MIA2: variants seen among roughly 807,000 people sequenced by gnomAD.
The protein encoded by MIA2 is melanoma inhibitory activity protein 2.
In MIA2, 127 loss-of-function variants were observed where a neutral mutation model predicts 167.8. The ratio of observed to expected loss-of-function variants is 0.76; its 90% CI spans 0.66 to 0.88. The LOEUF (loss-of-function observed/expected upper bound fraction) is 0.88, where lower values mean the gene tolerates loss of function less well. MIA2 is among the 40% of genes least tolerant of loss of function. The pLI is 0.00. For synonymous variants in MIA2, 552 were observed against 541.9 expected (o/e 1.02, Z -0.26); for missense variants, 1,690 against 1,624.7 (o/e 1.04, Z -0.69).
chr14:39,330,184 G>C (rs1282919840), intron 25 of MIA2, among the ~76,000 whole-genome samples: 1 of 152,054 alleles, frequency 6.6e-6, no homozygotes, highest in Non-Finnish European at 1.5e-5. Flanking sequence ...ACTTCTTCCT[G>C]GTTTAGTCTT....
intron 23 of MIA2, among the ~76,000 whole-genome samples, chr14:39,359,578 A>G (rs2074626120): frequency 6.6e-6 from 1 of 152,092 alleles, no homozygotes. Flanking sequence ...CTGTCCGACA[A>G]TCCCCAGTGA....
chr14:39,301,982 A>G (rs1438934124), intron 14 of MIA2, 147 bp from the exon 15 acceptor site: 4 of 922,654 alleles, frequency 4.3e-6, no homozygotes, highest in African/African-American at 3.4e-5. Flanking sequence ...CAAGACTACA[A>G]TATCTTAATA....
At chr14:39,308,010 AT>A (rs779365868) in intron 17 of MIA2, among the ~76,000 whole-genome samples, 7 of 152,144 alleles carry the variant, frequency 4.6e-5, no homozygotes, top group Non-Finnish European at 1.0e-4. Context: ...AGGTGGAACA[AT>A]TTCTAATGTT....
intron 3 of MIA2, 55 bp downstream of exon 3, chr14:39,240,702 A>T: frequency 7.6e-7 from 1 of 1,322,794 alleles, no homozygotes; most frequent in Non-Finnish European, 1.1e-6. Flanking sequence ...TGGTTAAAAC[A>T]GTTTTCCCAG....
intron 25 of MIA2, among the ~76,000 whole-genome samples, chr14:39,342,876 T>C (rs1056171427): frequency 5.3e-5 from 8 of 152,226 alleles, no homozygotes; most frequent in African/African-American, 1.9e-4. Flanking sequence ...TTCTGTTTTA[T>C]CAGCTTTCCT....
At chr14:39,269,910 T>G (rs748270436) in intron 6 of MIA2, among the ~76,000 whole-genome samples, 3 of 152,354 alleles carry the variant, frequency 2.0e-5, no homozygotes, top group Middle Eastern at 3.4e-3. Flanking sequence ...TTATTAATAC[T>G]TTTTGGCTAT....
downstream of MIA2, chr14:39,350,930 C>G (rs1268599233): frequency 6.6e-6 from 1 of 150,952 alleles, no homozygotes; most frequent in Non-Finnish European, 1.5e-5. Flanking sequence ...TCTTCTTATT[C>G]ACTGAGTTTC....
At chr14:39,339,985 A>G (rs1024711292) in intron 25 of MIA2, among the ~76,000 whole-genome samples, 2 of 152,116 alleles carry the variant, frequency 1.3e-5, no homozygotes, top group South Asian at 2.1e-4. Flanking sequence ...GGCTGGGACT[A>G]TAGGCATGCA....
At chr14:39,334,911 C>A (rs2069969525) in intron 25 of MIA2, among the ~76,000 whole-genome samples, 1 of 152,034 alleles carries the variant, frequency 6.6e-6, no homozygotes, top group African/African-American at 2.4e-5. Flanking sequence ...TTTTGTGTAA[C>A]CTTGAGCAAT....
intron 9 of MIA2, among the ~76,000 whole-genome samples, chr14:39,289,905 C>CTA (rs2060496185): frequency 6.6e-6 from 1 of 152,196 alleles, no homozygotes; most frequent in Non-Finnish European, 1.5e-5. Flanking sequence ...TGGCTCATAA[C>CTA]TATGTCACCC....
chr14:39,363,144 A>G (rs979427787), intron 23 of MIA2, among the ~76,000 whole-genome samples: 15 of 152,234 alleles, frequency 9.9e-5, no homozygotes, highest in Admixed American at 7.9e-4. Flanking sequence ...AGAATATTCT[A>G]TGCCAGTGAG....
chr14:39,383,527 A>G (rs889229886), intron 23 of MIA2, among the ~76,000 whole-genome samples: 5 of 152,204 alleles, frequency 3.3e-5, no homozygotes, highest in African/African-American at 9.6e-5. Context: ...AGTGACCTCT[A>G]CGTGTTCAGG....
chr14:39,295,319 GTGA>G (rs2061277934), intron 13 of MIA2, among the ~76,000 whole-genome samples: 1 of 152,172 alleles, frequency 6.6e-6, no homozygotes, highest in East Asian at 1.9e-4. Flanking sequence ...GAGAATATGA[GTGA>G]GGATTATTGA....
At chr14:39,296,637 A>AT (rs531091120) in intron 13 of MIA2, among the ~76,000 whole-genome samples, 4,392 of 121,526 alleles carry the variant, frequency 0.036, 235 homozygotes, top group African/African-American at 0.12. Flanking sequence ...TATTTTTATT[A>AT]TTTTTTTTTT....
At chr14:39,345,797 T>TTTAA in intron 25 of MIA2, 107 bp from the exon 26 acceptor site, 1 of 858,114 alleles carries the variant, frequency 1.2e-6, no homozygotes, top group East Asian at 2.7e-5. Context: ...AGATGATGAG[T>TTTAA]TTAAGTGTTA....
Position 39,267,132 on chromosome 14 carries a change from C to T in MIA2, c.1888-9802C>T, listed in dbSNP as rs562209657. 3.5e-5 allele frequency: 40 copies of T among 1,151,820 alleles called. No homozygotes were observed. In the African/African-American group the frequency reaches 6.0e-4, roughly 17 times the overall value. 71.3% of individuals were successfully genotyped at this position (1,151,820 alleles called of 1,614,324 possible). A position where few individuals can be genotyped will look rare whatever the true frequency, so the allele number is the denominator to read the frequency against. ...AAGTTTGCGGCTGTCCGCGCCTCCC[C>T]GCCTTCTCGCGGCTGCCCGGCCGAA... On this transcript the variant is annotated intron_variant, in intron 6 of 28. Coordinates refer to ENST00000640607, the MANE Select transcript of MIA2 (RefSeq NM_001329214.4).
chr14:39,380,407 A>G (rs1408477278), intron 23 of MIA2, among the ~76,000 whole-genome samples: 1 of 152,182 alleles, frequency 6.6e-6, no homozygotes. Flanking sequence ...GCAATTAAAA[A>G]TTGATGCTGG....
chr14:39,333,747 A>T (rs1407832017), intron 25 of MIA2, among the ~76,000 whole-genome samples: 3 of 152,064 alleles, frequency 2.0e-5, no homozygotes, highest in African/African-American at 4.8e-5. Context: ...ATTTTTTTGC[A>T]TATTGTCTGG....
chr14:39,288,472 T>TTG (rs2060222140), intron 9 of MIA2, among the ~76,000 whole-genome samples: 1 of 50,590 alleles, frequency 2.0e-5, no homozygotes, highest in Non-Finnish European at 3.4e-5. Flanking sequence ...TATATATATA[T>TTG]ATATTTTTTT....
Sources: gnomAD v4.1 joint callset for allele counts (sites outside exome capture counted in the v4.1 genomes callset) on GRCh38, gnomAD v4.1.1 for gene constraint, MANE v1.5 for transcripts, NCBI Gene and HGNC (gene_info 2026-07-23, HGNC 2026-07-21) for gene names.